The following ENPP7 variants were observed in gnomAD, a reference collection of about 807,000 sequenced individuals.
ENPP7 encodes the protein ectonucleotide pyrophosphatase/phosphodiesterase 7.
In ENPP7, 39 loss-of-function variants were observed where a neutral mutation model predicts 33.6. The ratio of observed to expected loss-of-function variants is 1.16; its 90% CI spans 0.90 to 1.52. ENPP7 has a LOEUF of 1.52. Among genes scored for constraint, ENPP7 ranks in the 40% most tolerant of loss-of-function variants. The pLI is 0.00. For missense variants in ENPP7, 594 were observed against 641.0 expected (o/e 0.93, Z 0.79); for synonymous variants, 244 against 274.3 (o/e 0.89, Z 1.09).
chr17:79,737,832 A>C lies in ENPP7; in HGVS notation c.1247-84A>C. On this transcript the variant is annotated intron_variant, in intron 4 of 5. Transcript: ENST00000328313. The surrounding 1 kb of genome is among the most constrained non-coding windows in gnomAD (Gnocchi z 5.5). ...GAGGAAGGAGGGGCTCGTGGGGACC[A>C]ACAGAGGACCCCGAGTTTACTGTGG... 6.7e-7 allele frequency: 1 copy of C among 1,485,114 alleles called. No homozygotes were observed. Among genetic ancestry groups the C allele is most frequent in the Non-Finnish European group, 9.3e-7 (1 of 1,074,768 alleles). 92.0% of individuals were successfully genotyped at this position (1,485,114 alleles called of 1,614,324 possible). A position where few individuals can be genotyped will look rare whatever the true frequency, so the allele number is the denominator to read the frequency against.
rs782348982 is a variant in ENPP7 at position 79,735,648 on chromosome 17, C to A, written c.1005C>A (p.Asp335Glu). 1.7e-5 allele frequency: 28 copies of A among 1,609,362 alleles called. No individual in the cohort carries two copies. Among genetic ancestry groups the A allele is most frequent in the Non-Finnish European group, 2.0e-5 (24 of 1,176,654 alleles). ...PRVTPLLMYS[D>E]LGYVIHGRIN... ...TCACACCCCTGCTGATGTACAGCGA[C>A]CTTGGCTACGTCATCCATGGGGTGA... Residue 335 changes from aspartate to glutamate, a missense_variant, in exon 3 of 6, where the codon GAC becomes GAA. Physicochemically the swap from Asp to Glu is conservative, Grantham distance 45. Transcript: ENST00000328313. This position sits in a 1 kb window ranked among gnomAD's most constrained non-coding sequence, Gnocchi z 5.5.
In ENPP7 at chr17:79,735,827, C is replaced by T. The variant is rs1296367786; in HGVS notation, c.1026+158C>T. ...GCAGCCTTAAACTCCCAGACTCAAG[C>T]GATCCTTCCACCTCAGCCTCCTGAG... On this transcript the variant is annotated intron_variant, in intron 3 of 5. Coordinates refer to ENST00000328313, the MANE Select transcript of ENPP7 (RefSeq NM_178543.5). This position sits in a 1 kb window ranked among gnomAD's most constrained non-coding sequence, Gnocchi z 5.5. Among the ~76,000 whole-genome samples, 1 of 152,096 alleles carries T rather than the reference C, an allele frequency of 6.6e-6. No homozygotes were observed. Among genetic ancestry groups the T allele is most frequent in the South Asian group, 2.1e-4 (1 of 4,820 alleles).
Position 79,737,107 on chromosome 17 carries a change from A to G in ENPP7, c.1093A>G (p.Ile365Val). The G allele has an allele frequency of 6.2e-7, 1 of 1,614,170 alleles. No homozygotes were observed. Among genetic ancestry groups the G allele is most frequent in the Non-Finnish European group, 8.5e-7 (1 of 1,180,034 alleles). The part of the protein sequence containing the change: ...FDNKDMDMKT[I>V]FRAVGPSFRA... ...CAACAAGGACATGGACATGAAGACCATCTTCCGCGCTGTGGGCCCTAGCTT... is the reference window on the plus strand; with the variant it reads ...CAACAAGGACATGGACATGAAGACCGTCTTCCGCGCTGTGGGCCCTAGCTT... The change falls in exon 4 of 6, where the codon ATC becomes GTC. Residue 365 changes from isoleucine to valine, a missense_variant. Physicochemically the swap from Ile to Val is conservative, Grantham distance 29. Transcript: ENST00000328313. This position sits in a 1 kb window ranked among gnomAD's most constrained non-coding sequence, Gnocchi z 5.5.
At chr17:79,741,705 G>C in intron 5 of ENPP7, 89 bp from the exon 6 acceptor site, 1 of 547,962 alleles carries the variant, frequency 1.8e-6, no homozygotes, top group Non-Finnish European at 2.2e-6. Flanking sequence ...CAGTCCAGCC[G>C]CACCGCTGCT....
intron 2 of ENPP7, 27 bp downstream of exon 2, chr17:79,733,680 A>G (rs1598198985): frequency 1.9e-6 from 3 of 1,584,756 alleles, no homozygotes; most frequent in Non-Finnish European, 2.6e-6. Context: ...CCATACTGAC[A>G]TCGCAGAGCA....
Position 79,735,305 on chromosome 17 carries a change from G to A in ENPP7, c.662G>A (p.Arg221Gln), listed in dbSNP as rs139071254. The A allele has an allele frequency of 1.1e-5, 17 of 1,613,068 alleles. No homozygotes were observed. Among genetic ancestry groups the A allele is most frequent in the African/African-American group, 9.3e-5 (7 of 74,886 alleles). ...AGGGAGATGGTGCGGCAGGTGGACCGGACCGTGGGCTACCTCCGGGAGAGC... is the reference window on the plus strand; with the variant it reads ...AGGGAGATGGTGCGGCAGGTGGACCAGACCGTGGGCTACCTCCGGGAGAGC... ...ERREMVRQVD[R>Q]TVGYLRESIA... is the part of the protein sequence containing the mutation. Residue 221 changes from arginine (R) to glutamine (Q), a missense_variant, in exon 3 of 6, where the codon CGG becomes CAG. Around this residue, in one of 3 missense-constraint regions of ENPP7, gnomAD observed 504 missense variants for 512.8 expected, o/e 0.98. Coordinates refer to ENST00000328313, the MANE Select transcript of ENPP7 (RefSeq NM_178543.5). The surrounding 1 kb of genome is among the most constrained non-coding windows in gnomAD (Gnocchi z 5.5).
chr17:79,738,410 C>T lies in ENPP7; in HGVS notation c.*16+348C>T, dbSNP rs898603526. On this transcript the variant is annotated intron_variant, in intron 5 of 5. Transcript: ENST00000328313. This position sits in a 1 kb window ranked among gnomAD's most constrained non-coding sequence, Gnocchi z 6.2. ...ATCTCTGTGCTCCACTGGGATAGCT[C>T]GGAAACCGTCACCTGCGGTGCATTT... The T allele has an allele frequency of 2.1e-5, 5 of 241,038 alleles. No individual in the cohort carries two copies. Among genetic ancestry groups the T allele is most frequent in the Non-Finnish European group, 4.1e-5 (5 of 120,662 alleles). 14.9% of individuals were successfully genotyped at this position (241,038 alleles called of 1,614,324 possible). A position where few individuals can be genotyped will look rare whatever the true frequency, so the allele number is the denominator to read the frequency against.
chr17:79,738,275 G>T lies in ENPP7; in HGVS notation c.*16+213G>T. ...CCTCTCTGCTCTGGGCTTGGAGGAG[G>T]TCTTTCCAGAGCAGACCACCCGGAC... is the stretch of plus-strand genomic sequence containing the variant. On this transcript the variant is annotated intron_variant, in intron 5 of 5. Transcript: ENST00000328313. The surrounding 1 kb of genome is among the most constrained non-coding windows in gnomAD (Gnocchi z 6.2). 3.6e-6 allele frequency: 2 copies of T among 555,810 alleles called. No homozygotes were observed. The highest frequency in any genetic ancestry group is 6.5e-6 in the Non-Finnish European group (2 of 309,740). 34.4% of individuals were successfully genotyped at this position (555,810 alleles called of 1,614,324 possible). A position where few individuals can be genotyped will look rare whatever the true frequency, so the allele number is the denominator to read the frequency against.
At position 79,734,962 on chromosome 17, in the gene ENPP7, G is replaced by A. The variant is rs2094292372; in HGVS notation, c.400-81G>A. On this transcript the variant is annotated intron_variant, in intron 2 of 5. Coordinates refer to ENST00000328313, the MANE Select transcript of ENPP7 (RefSeq NM_178543.5). ...GGGTGGAACAGAGAAGTAGGCACGT[G>A]GGGGACAAATGTGTTCACAGGCATG... 4.1e-6 allele frequency: 6 copies of A among 1,465,704 alleles called. No homozygotes were observed. In the South Asian group the frequency reaches 6.5e-5, roughly 16 times the overall value. The allele number at this position is 1,465,704 out of a possible 1,614,324, so 90.8% of individuals were successfully genotyped here.
intron 3 of ENPP7, among the ~76,000 whole-genome samples, chr17:79,736,089 G>A (rs2094295195): frequency 1.3e-5 from 2 of 152,204 alleles, no homozygotes; most frequent in African/African-American, 4.8e-5. Flanking sequence ...ATTTTTAGTG[G>A]AGACAGAGTT....
At position 79,732,132 on chromosome 17, in the gene ENPP7, GTA is replaced by G. The variant is rs1260417941; in HGVS notation, c.253+757_253+758del. On this transcript the variant is annotated intron_variant, in intron 1 of 5. Coordinates refer to ENST00000328313, the MANE Select transcript of ENPP7 (RefSeq NM_178543.5). Reference sequence around the variant, plus strand: ...TACATATATATATACATATATATATGTATATATATATATATATACACACACAT... The same window carrying G: ...TACATATATATATACATATATATATGTATATATATATATATACACACACAT... Among the ~76,000 whole-genome samples the G allele has an allele frequency of 1.9e-3, 91 of 48,236 alleles. 2 individuals are homozygous for G. Among genetic ancestry groups the G allele is most frequent in the African/African-American group, 3.3e-3 (40 of 12,268 alleles). The allele number at this position is 48,236 out of a possible 152,430, so 31.6% of individuals were successfully genotyped here.
intron 2 of ENPP7, 133 bp from the exon 3 acceptor site, chr17:79,734,910 C>G (rs1555823159): frequency 1.1e-6 from 1 of 895,034 alleles, no homozygotes; most frequent in African/African-American, 1.7e-5. Flanking sequence ...AAAGGCCCCG[C>G]AGCTGCAGCT....
In ENPP7 at chr17:79,738,313, T is replaced by C. The variant is rs560777794; in HGVS notation, c.*16+251T>C. 8.1e-5 allele frequency: 33 copies of C among 409,374 alleles called. 1 individual carries two copies. The South Asian group carries it at 1.2e-3, about 15-fold the overall frequency. The allele number at this position is 409,374 out of a possible 1,614,324, so 25.4% of individuals were successfully genotyped here. ...AGACCACCCGGACCAGTGGCCAGAATTCCCACCCTCCCCCAAAAGCCAGAA... is the reference window on the plus strand; with the variant it reads ...AGACCACCCGGACCAGTGGCCAGAACTCCCACCCTCCCCCAAAAGCCAGAA... On this transcript the variant is annotated intron_variant, in intron 5 of 5. Transcript: ENST00000328313. The surrounding 1 kb of genome is among the most constrained non-coding windows in gnomAD (Gnocchi z 6.2).
At position 79,731,104 on chromosome 17, in the gene ENPP7, T is replaced by G. The variant is rs372689124; in HGVS notation, c.-36T>G. 20 of 1,581,862 alleles carry G rather than the reference T, an allele frequency of 1.3e-5. No homozygotes were observed. In the African/African-American group the frequency reaches 2.5e-4, roughly 20 times the overall value. ...TCCTCCTCGGCAGGAGCCAGCCCTG[T>G]GCACCCTGTGTGCCTGTCCATCTGG... On this transcript the variant is annotated 5_prime_UTR_variant, in exon 1 of 6. Coordinates refer to ENST00000328313, the MANE Select transcript of ENPP7 (RefSeq NM_178543.5).
intron 3 of ENPP7, among the ~76,000 whole-genome samples, chr17:79,736,489 T>TACA (rs2094295964): frequency 6.6e-6 from 1 of 151,744 alleles, no homozygotes; most frequent in Non-Finnish European, 1.5e-5. Flanking sequence ...GCAGTGGGAG[T>TACA]GTGTGTGCAC....
chr17:79,736,536 CGTGTGTGTGTGTGTGT>C (rs58744239), intron 3 of ENPP7, among the ~76,000 whole-genome samples: 81 of 146,116 alleles, frequency 5.5e-4, no homozygotes, highest in African/African-American at 1.4e-3. Flanking sequence ...GTGTGATAGG[CGTGTGTGTGTGTGTGT>C]GTGTGTGTGT....
At chr17:79,733,722 A>G (rs1555822995) in intron 2 of ENPP7, 69 bp downstream of exon 2, 2 of 1,474,612 alleles carry the variant, frequency 1.4e-6, no homozygotes, top group Non-Finnish European at 1.8e-6. Flanking sequence ...GAGGCTTGGA[A>G]CCATGTGAGA....
chr17:79,737,216 C>G lies in ENPP7; in HGVS notation c.1202C>G (p.Ala401Gly), dbSNP rs368820996. The G allele has an allele frequency of 6.2e-7, 1 of 1,611,542 alleles. No individual in the cohort carries two copies. The highest frequency in any genetic ancestry group is 8.5e-7 in the Non-Finnish European group (1 of 1,179,926). ...MCRLLGIVPE[A>G]NDGHLATLLP... Reference sequence around the variant, plus strand: ...CGGCTGCTGGGCATCGTGCCCGAGGCCAACGATGGGCACCTAGCTACTCTG... The same window carrying G: ...CGGCTGCTGGGCATCGTGCCCGAGGGCAACGATGGGCACCTAGCTACTCTG... The change falls in exon 4 of 6, where the codon GCC becomes GGC. Residue 401 changes from alanine (A) to glycine (G), a missense_variant. Ala to Gly is a moderately conservative substitution (Grantham distance 60). This residue lies in a region of ENPP7 where 504 missense variants were observed against 512.8 expected (regional missense o/e 0.98). Coordinates refer to ENST00000328313, the MANE Select transcript of ENPP7 (RefSeq NM_178543.5). This position sits in a 1 kb window ranked among gnomAD's most constrained non-coding sequence, Gnocchi z 5.5.
chr17:79,733,674 A>C (rs782543703), intron 2 of ENPP7, 21 bp downstream of exon 2: 2 of 1,595,236 alleles, frequency 1.3e-6, no homozygotes, highest in Admixed American at 3.5e-5. Flanking sequence ...CCCCGCCCAT[A>C]CTGACATCGC....
Sources: gnomAD v4.1 joint callset for allele counts (sites outside exome capture counted in the v4.1 genomes callset) on GRCh38, gnomAD v4.1.1 for gene constraint, gnomAD v4.1.1 regional missense constraint, Gnocchi (gnomAD v3.1) non-coding constraint, MANE v1.5 for transcripts, NCBI Gene and HGNC (gene_info 2026-07-23, HGNC 2026-07-21) for gene names.